Variants in TTC27 observed in about 807,000 individuals in gnomAD.
The protein encoded by TTC27 is tetratricopeptide repeat protein 27.
A neutral mutation model predicts 115.9 loss-of-function variants in TTC27; 79 were observed. The ratio of observed to expected loss-of-function variants is 0.68; its 90% CI spans 0.57 to 0.82. The LOEUF (loss-of-function observed/expected upper bound fraction) is 0.82. Ranked by LOEUF, TTC27 falls within the 40% of genes least tolerant of loss-of-function variation. The pLI, the probability that TTC27 is intolerant of heterozygous loss-of-function variation, is 0.00. For missense variants in TTC27, 1,054 were observed against 993.1 expected (o/e 1.06, Z -0.82); for synonymous variants, 401 against 356.0 (o/e 1.13, Z -1.42).
Position 32,672,304 on chromosome 2 carries a change from T to A in TTC27, c.972T>A (p.Asn324Lys). The A allele has an allele frequency of 6.2e-7, 1 of 1,613,880 alleles. No individual in the cohort carries two copies. The highest frequency in any genetic ancestry group is 1.1e-5 in the South Asian group (1 of 91,054). The change falls in exon 8 of 20, where the codon AAT becomes AAA. Residue 324 changes from asparagine (N) to lysine (K), a missense_variant. Transcript: ENST00000317907. ...NLELNDDTIL[N>K]DIKLADCEQF... is the part of the protein sequence containing the mutation. ...AGCTCAATGATGACACCATTCTGAA[T>A]GACATAAAGTTAGCAGATTGTGAAC...
chr2:32,649,375 G>A (rs1157744673), intron 4 of TTC27, among the ~76,000 whole-genome samples: 1 of 151,662 alleles, frequency 6.6e-6, no homozygotes, highest in Non-Finnish European at 1.5e-5. Flanking sequence ...AACCTGAGAT[G>A]ACATACATAA....
chr2:32,675,419 A>T (rs1666161921), intron 8 of TTC27, among the ~76,000 whole-genome samples: 1 of 152,228 alleles, frequency 6.6e-6, no homozygotes, highest in South Asian at 2.1e-4. Context: ...AAAAATCCAG[A>T]AAATGCTCAT....
intron 9 of TTC27, among the ~76,000 whole-genome samples, chr2:32,679,813 G>A (rs1572508624): frequency 6.6e-6 from 1 of 152,210 alleles, no homozygotes; most frequent in Non-Finnish European, 1.5e-5. Flanking sequence ...CCGACATGAT[G>A]AAACCCTGTC....
intron 13 of TTC27, among the ~76,000 whole-genome samples, chr2:32,763,639 G>C (rs1669521961): frequency 1.3e-5 from 2 of 152,188 alleles, no homozygotes; most frequent in African/African-American, 4.8e-5. Context: ...TAAAAAATGA[G>C]AGCTCCTATA....
At chr2:32,753,162 G>T (rs1187970020) in intron 12 of TTC27, among the ~76,000 whole-genome samples, 2 of 152,030 alleles carry the variant, frequency 1.3e-5, no homozygotes, top group East Asian at 1.9e-4. Context: ...ACATGAATTA[G>T]CTTGGGCTTC....
chr2:32,713,319 T>G (rs1280180967), intron 10 of TTC27, among the ~76,000 whole-genome samples: 1 of 152,232 alleles, frequency 6.6e-6, no homozygotes, highest in Non-Finnish European at 1.5e-5. Context: ...GGGACCACCT[T>G]ATTTATGTCC....
intron 16 of TTC27, among the ~76,000 whole-genome samples, chr2:32,803,089 G>A (rs112777281): frequency 6.6e-6 from 1 of 152,166 alleles, no homozygotes; most frequent in South Asian, 2.1e-4. Flanking sequence ...GGGCCACAGG[G>A]GGAGCTCACC....
At position 32,649,748 on chromosome 2, in the gene TTC27, G is replaced by T. The variant is rs952210919; in HGVS notation, c.538-383G>T. Among the ~76,000 whole-genome samples, 25 of 152,042 alleles carry T rather than the reference G, an allele frequency of 1.6e-4. 1 individual carries two copies. The highest frequency in any genetic ancestry group is 5.9e-5 in the Non-Finnish European group (4 of 68,000). Reference sequence around the variant, plus strand: ...TTTAATAGAGGCAGGGTTTCACCATGTTGGCCAGGCTGGTCTTGAACTCCT... The same window carrying T: ...TTTAATAGAGGCAGGGTTTCACCATTTTGGCCAGGCTGGTCTTGAACTCCT... On this transcript the variant is annotated intron_variant, in intron 4 of 19. Transcript: ENST00000317907.
chr2:32,733,342 G>C (rs998656394), intron 10 of TTC27, among the ~76,000 whole-genome samples: 1 of 152,244 alleles, frequency 6.6e-6, no homozygotes, highest in African/African-American at 2.4e-5. Flanking sequence ...CAGCCTTATT[G>C]CTCTGTTGCT....
chr2:32,672,953 T>A (rs12617697), intron 8 of TTC27, among the ~76,000 whole-genome samples: 1 of 152,098 alleles, frequency 6.6e-6, no homozygotes, highest in Non-Finnish European at 1.5e-5. Context: ...AGAAAATTAA[T>A]GTTGGTACTT....
chr2:32,813,660 T>TA (rs1434404975), intron 18 of TTC27, among the ~76,000 whole-genome samples: 1 of 151,976 alleles, frequency 6.6e-6, no homozygotes, highest in African/African-American at 2.4e-5. Context: ...GACTCAAAAC[T>TA]AAAAAAACAA....
intron 12 of TTC27, among the ~76,000 whole-genome samples, chr2:32,744,622 G>A (rs1668754554): frequency 6.6e-6 from 1 of 152,174 alleles, no homozygotes; most frequent in African/African-American, 2.4e-5. Flanking sequence ...ACAGTTTAGG[G>A]CTTACTGCTT....
In TTC27 at chr2:32,645,175, A is replaced by G. The variant is rs927350887; in HGVS notation, c.537+4765A>G. 4.6e-5 allele frequency among the ~76,000 whole-genome samples: 7 copies of G among 152,356 alleles called. No individual in the cohort carries two copies. The South Asian group carries it at 1.2e-3, about 27-fold the overall frequency. ...GATGATATTATTTTTGTGAAATTAT[A>G]GAAGAAGCAGATTTTCCCACAACCC... On this transcript the variant is annotated intron_variant, in intron 4 of 19. Transcript: ENST00000317907.
Position 32,670,969 on chromosome 2 carries a change from G to C in TTC27, c.940-1303G>C, listed in dbSNP as rs577889203. 9.5e-5 allele frequency among the ~76,000 whole-genome samples: 10 copies of C among 105,100 alleles called. No homozygotes were observed. The South Asian group carries it at 3.1e-3, about 32-fold the overall frequency. 68.9% of individuals were successfully genotyped at this position (105,100 alleles called of 152,430 possible). A position where few individuals can be genotyped will look rare whatever the true frequency, so the allele number is the denominator to read the frequency against. On this transcript the variant is annotated intron_variant, in intron 7 of 19. Coordinates refer to ENST00000317907, the MANE Select transcript of TTC27 (RefSeq NM_017735.5). ...TGTTTGTCTTCTTATTGAGTTCTAAGAGTTCTCCATATTCTGGATGCAAGT... is the reference window on the plus strand; with the variant it reads ...TGTTTGTCTTCTTATTGAGTTCTAACAGTTCTCCATATTCTGGATGCAAGT...
chr2:32,704,598 A>T (rs547441535), intron 10 of TTC27, among the ~76,000 whole-genome samples: 5 of 152,132 alleles, frequency 3.3e-5, no homozygotes. Flanking sequence ...GGCTTTATCA[A>T]CTTGTCCTCA....
chr2:32,676,927 A>T (rs1231606587), intron 8 of TTC27, among the ~76,000 whole-genome samples: 6 of 151,542 alleles, frequency 4.0e-5, no homozygotes, highest in Admixed American at 2.0e-4. Flanking sequence ...TTATTATTAT[A>T]TGTGGAATGT....
chr2:32,772,164 C>T (rs922125495), intron 13 of TTC27, among the ~76,000 whole-genome samples: 2 of 152,070 alleles, frequency 1.3e-5, no homozygotes, highest in African/African-American at 2.4e-5. Flanking sequence ...TTTGCTAGCC[C>T]TCAGGGTAGC....
intron 3 of TTC27, among the ~76,000 whole-genome samples, chr2:32,635,520 C>T (rs1383154117): frequency 2.6e-5 from 4 of 151,944 alleles, no homozygotes; most frequent in Non-Finnish European, 5.9e-5. Flanking sequence ...CTCCGTCTTA[C>T]TAAAAATACA....
Position 32,666,770 on chromosome 2 carries a change from C to T in TTC27, c.939+2C>T, listed in dbSNP as rs1248208102. ...ACTCCTCAGGAACATTTAACCAAGG[C>T]AAGTAGGACATTAAGTTATTAAATT... On this transcript the variant is annotated splice_donor_variant, in intron 7 of 19. Transcript: ENST00000317907. LOFTEE classifies it low-confidence loss of function (GC_TO_GT_DONOR). The T allele has an allele frequency of 1.9e-6, 3 of 1,611,300 alleles. No individual in the cohort carries two copies. Among genetic ancestry groups the T allele is most frequent in the East Asian group, 2.2e-5 (1 of 44,810 alleles).
Sources: allele counts gnomAD v4.1 joint callset (sites outside exome capture counted in the v4.1 genomes callset), GRCh38; gene constraint gnomAD v4.1.1; transcripts MANE v1.5; gene names NCBI Gene and HGNC (gene_info 2026-07-23, HGNC 2026-07-21).